Variants in CPA6 observed in about 807,000 individuals in gnomAD.
The protein encoded by CPA6 is carboxypeptidase B.
CPA6 carries 58 observed loss-of-function variants against 63.3 expected under a neutral mutation model. That is an observed-to-expected ratio of 0.92 (90% CI 0.74 to 1.14). The LOEUF (loss-of-function observed/expected upper bound fraction) is 1.14. CPA6 is among the 50% of genes most tolerant of loss of function. The probability of loss-of-function intolerance (pLI) is 0.00; values close to 1 mark genes in which losing one functional copy is unlikely to be tolerated. For missense variants in CPA6, 565 were observed against 526.6 expected, an observed-to-expected ratio of 1.07 and a Z score of -0.71; for synonymous variants, 185 against 179.0, an observed-to-expected ratio of 1.03 and a Z score of -0.27.
At chr8:67,541,471 G>A (rs1587539445) in intron 2 of CPA6, among the ~76,000 whole-genome samples, 2 of 152,062 alleles carry the variant, frequency 1.3e-5, no homozygotes, top group East Asian at 3.9e-4. Flanking sequence ...TCCCTGTCCT[G>A]TTCTGTTCCG....
chr8:67,599,830 G>A (rs962423590), intron 2 of CPA6, among the ~76,000 whole-genome samples: 45 of 152,182 alleles, frequency 3.0e-4, no homozygotes, highest in African/African-American at 1.1e-3. Flanking sequence ...CTAGAGGGAA[G>A]TGCCTCTGCA....
At chr8:67,704,409 AAGAG>A (rs1411867105) in intron 1 of CPA6, among the ~76,000 whole-genome samples, 2 of 152,240 alleles carry the variant, frequency 1.3e-5, no homozygotes, top group African/African-American at 2.4e-5. Context: ...ATTATAAGAA[AAGAG>A]AGAATCATTT....
At chr8:67,725,331 T>C (rs958256801) in intron 1 of CPA6, among the ~76,000 whole-genome samples, 1 of 152,202 alleles carries the variant, frequency 6.6e-6, no homozygotes, top group Admixed American at 6.5e-5. Flanking sequence ...TTGGGACATA[T>C]AGGTGCTCAA....
At chr8:67,566,264 T>C (rs990144455) in intron 2 of CPA6, among the ~76,000 whole-genome samples, 2 of 152,202 alleles carry the variant, frequency 1.3e-5, no homozygotes, top group Non-Finnish European at 2.9e-5. Flanking sequence ...TCCTGACTCA[T>C]TGCTGCCCTG....
At chr8:67,726,577 A>G (rs1023975484) in intron 1 of CPA6, among the ~76,000 whole-genome samples, 3 of 152,226 alleles carry the variant, frequency 2.0e-5, no homozygotes, top group Admixed American at 2.0e-4. Flanking sequence ...AAGTGTAATG[A>G]ATTCTCCCTC....
intron 2 of CPA6, chr8:67,570,104 T>A (rs1813448801): frequency 6.6e-6 from 1 of 152,426 alleles, no homozygotes; most frequent in African/African-American, 2.4e-5. Flanking sequence ...AAGAACTTTT[T>A]TTTTTCGGTG....
intron 6 of CPA6, among the ~76,000 whole-genome samples, chr8:67,490,286 G>T (rs1811575987): frequency 6.6e-6 from 1 of 152,118 alleles, no homozygotes; most frequent in South Asian, 2.1e-4. Flanking sequence ...TTCTTCTAAT[G>T]TGTAGAACTA....
rs766728291 is a variant in CPA6, at chr8:67,509,513, T to C, written c.534+4A>G. 78 of 1,417,488 alleles carry C rather than the reference T, an allele frequency of 5.5e-5. No individual in the cohort carries two copies. Among genetic ancestry groups the C allele is most frequent in the Non-Finnish European group, 7.5e-5 (76 of 1,011,608 alleles). 87.8% of individuals were successfully genotyped at this position (1,417,488 alleles called of 1,614,324 possible). ...GTATTTACACAGCAATTGCTTATTT[T>C]TACCTTTAAAATAAAAAGAGATCTT... On this transcript the variant is annotated splice_donor_region_variant and intron_variant, in intron 5 of 10. Coordinates refer to ENST00000297770, the MANE Select transcript of CPA6 (RefSeq NM_020361.5).
chr8:67,732,660 G>T (rs1817728658), intron 1 of CPA6: 1 of 152,452 alleles, frequency 6.6e-6, no homozygotes, highest in African/African-American at 2.4e-5. Context: ...ACTCGCGCTG[G>T]AGGAGGTAAG....
intron 2 of CPA6, among the ~76,000 whole-genome samples, chr8:67,581,113 C>T (rs750143075): frequency 2.0e-5 from 3 of 151,904 alleles, no homozygotes; most frequent in Non-Finnish European, 2.9e-5. Flanking sequence ...GTCCAATGAA[C>T]GAGTATATGT....
Position 67,736,913 on chromosome 8 carries a change from T to C in CPA6, c.116+9101A>G, listed in dbSNP as rs955788340. Among the ~76,000 whole-genome samples the C allele has an allele frequency of 7.9e-5, 12 of 152,366 alleles. 1 individual carries two copies. In the East Asian group the frequency reaches 2.3e-3, roughly 29 times the overall value. Reference sequence around the variant, plus strand: ...AATAGTGGAAAAATTGTGAAAATTCTACCTCCTAAATATTTAGTTGGTTCC... The same window carrying C: ...AATAGTGGAAAAATTGTGAAAATTCCACCTCCTAAATATTTAGTTGGTTCC... On this transcript the variant is annotated intron_variant, in intron 1 of 10. Transcript: ENST00000297770.
At position 67,567,703 on chromosome 8, in the gene CPA6, T is replaced by A. The variant is rs201193963; in HGVS notation, c.193-49656A>T. Among the ~76,000 whole-genome samples, 7 of 152,336 alleles carry A rather than the reference T, an allele frequency of 4.6e-5. No individual in the cohort carries two copies. The East Asian group carries it at 1.4e-3, about 29-fold the overall frequency. On this transcript the variant is annotated intron_variant, in intron 2 of 10. Coordinates refer to ENST00000297770, the MANE Select transcript of CPA6 (RefSeq NM_020361.5). ...AATCTACATTGAAAGGGCAGGATAA[T>A]CAGTCTCACTTTGACTATGTCACCC...
chr8:67,727,107 C>A (rs10111384), intron 1 of CPA6, among the ~76,000 whole-genome samples: 39,901 of 151,798 alleles, frequency 0.26, 6,945 homozygotes, highest in African/African-American at 0.5. Context: ...GCTGTTCATG[C>A]TTCATGCAGA....
chr8:67,561,138 T>C (rs1469793628), intron 2 of CPA6, among the ~76,000 whole-genome samples: 2 of 152,244 alleles, frequency 1.3e-5, no homozygotes, highest in Admixed American at 6.5e-5. Context: ...AATTTATAAT[T>C]ACTACAAATT....
In CPA6 at chr8:67,538,180, T is replaced by C. The variant is rs182181552; in HGVS notation, c.193-20133A>G. On this transcript the variant is annotated intron_variant, in intron 2 of 10. Coordinates refer to ENST00000297770, the MANE Select transcript of CPA6 (RefSeq NM_020361.5). ...TATTCTGTCAATTCATGGTGGAGAG[T>C]TCTGTAGATGTCTATTAGGTCTGCT... Among the ~76,000 whole-genome samples the C allele has an allele frequency of 3.5e-4, 54 of 152,280 alleles. 1 individual carries two copies. The highest frequency in any genetic ancestry group is 7.8e-4 in the Admixed American group (12 of 15,290).
chr8:67,710,997 A>G (rs1017860608), intron 1 of CPA6, among the ~76,000 whole-genome samples: 1 of 152,222 alleles, frequency 6.6e-6, no homozygotes, highest in African/African-American at 2.4e-5. Context: ...AGCCCAGACC[A>G]CAGAGATTCC....
At chr8:67,672,642 G>A (rs1816374997) in intron 1 of CPA6, among the ~76,000 whole-genome samples, 1 of 152,120 alleles carries the variant, frequency 6.6e-6, no homozygotes, top group African/African-American at 2.4e-5. Context: ...TGAACACACA[G>A]GGACAAAAAC....
intron 6 of CPA6, among the ~76,000 whole-genome samples, chr8:67,495,133 G>T (rs1051552264): frequency 6.6e-6 from 1 of 151,870 alleles, no homozygotes; most frequent in African/African-American, 2.4e-5. Flanking sequence ...CACCAGCTTA[G>T]TGTAGTGTAG....
At chr8:67,692,919 A>G (rs1247657323) in intron 1 of CPA6, among the ~76,000 whole-genome samples, 1 of 152,214 alleles carries the variant, frequency 6.6e-6, no homozygotes, top group Admixed American at 6.5e-5. Context: ...TACGAGTCAT[A>G]CCCATTAGCA....
Sources: allele counts gnomAD v4.1 joint callset (sites outside exome capture counted in the v4.1 genomes callset), GRCh38; gene constraint gnomAD v4.1.1; transcripts MANE v1.5; gene names NCBI Gene and HGNC (gene_info 2026-07-23, HGNC 2026-07-21).